CHMP7: variants seen among roughly 807,000 people sequenced by gnomAD.
CHMP7 encodes CHMP family, member 7.
In CHMP7, 15 loss-of-function variants were observed where a neutral mutation model predicts 53.7. That is an observed-to-expected ratio of 0.28 (90% confidence interval 0.19 to 0.43). The LOEUF (loss-of-function observed/expected upper bound fraction) is 0.43, where lower values mean the gene tolerates loss of function less well. CHMP7 is among the 20% of genes least tolerant of loss of function. The pLI, the probability that CHMP7 is intolerant of heterozygous loss-of-function variation, is 1.00. For missense variants in CHMP7, 527 were observed against 569.4 expected (o/e 0.93, Z 0.76); for synonymous variants, 261 against 228.0 (o/e 1.14, Z -1.30).
intron 3 of CHMP7, among the ~76,000 whole-genome samples, chr8:23,250,979 G>A (rs1024477002): frequency 1.3e-5 from 2 of 152,100 alleles, no homozygotes; most frequent in Non-Finnish European, 1.5e-5. Flanking sequence ...CCCCTTCCCC[G>A]CACCCATGCA....
At chr8:23,247,479 C>T (rs758866787) in intron 2 of CHMP7, among the ~76,000 whole-genome samples, 9 of 152,178 alleles carry the variant, frequency 5.9e-5, no homozygotes, top group Non-Finnish European at 1.2e-4. Flanking sequence ...GTCCTTGGCA[C>T]AGGCTTTTTG....
chr8:23,255,286 C>A lies in CHMP7; in HGVS notation c.511C>A (p.Pro171Thr), dbSNP rs779138390. ...EEVYRLYQNS[P>T]LSSHPVVALS... ...GGTGTATCGTCTGTATCAGAACTCGCCCCTCTCCTCCCACCCCGTGGTGGC... is the reference window on the plus strand; with the variant it reads ...GGTGTATCGTCTGTATCAGAACTCGACCCTCTCCTCCCACCCCGTGGTGGC... Residue 171 changes from proline to threonine, a missense_variant, in exon 4 of 11, where the codon CCC becomes ACC. Transcript: ENST00000397677. 6.2e-7 allele frequency: 1 copy of A among 1,614,202 alleles called. No homozygotes were observed. The highest frequency in any genetic ancestry group is 1.1e-5 in the South Asian group (1 of 91,084).
intron 5 of CHMP7, among the ~76,000 whole-genome samples, chr8:23,256,938 A>G (rs1380602115): frequency 6.6e-6 from 1 of 151,426 alleles, no homozygotes; most frequent in Non-Finnish European, 1.5e-5. Flanking sequence ...TACTACAGCC[A>G]CCCGCCACCA....
At chr8:23,259,777 G>T in intron 9 of CHMP7, 1 of 202,774 alleles carries the variant, frequency 4.9e-6, no homozygotes, top group Non-Finnish European at 1.0e-5. Flanking sequence ...CCCTCCCTGG[G>T]GCTCATCTGC....
At chr8:23,259,832 C>T (rs1802308920) in intron 9 of CHMP7, 1 of 294,612 alleles carries the variant, frequency 3.4e-6, no homozygotes, top group South Asian at 4.8e-5. Context: ...CAGCTGTGCT[C>T]ATGACCCATC....
chr8:23,247,954 T>G (rs13263101), intron 2 of CHMP7: 75,341 of 398,070 alleles, frequency 0.19, 8,768 homozygotes, highest in Non-Finnish European at 0.25. Context: ...TCTTTCTGAT[T>G]AAGAGATCTC....
At chr8:23,255,771 C>CTTTT (rs56174372) in intron 4 of CHMP7, among the ~76,000 whole-genome samples, 1 of 133,024 alleles carries the variant, frequency 7.5e-6, no homozygotes, top group Non-Finnish European at 1.6e-5. Flanking sequence ...CCTTATTGTA[C>CTTTT]TTTTTTTTTT....
chr8:23,254,557 G>A (rs566113968), intron 3 of CHMP7, among the ~76,000 whole-genome samples: 2 of 105,340 alleles, frequency 1.9e-5, no homozygotes, highest in South Asian at 3.7e-4. Context: ...ATCACATCCA[G>A]CTATTTTTTT....
intron 3 of CHMP7, chr8:23,252,267 G>T (rs1296810755): frequency 7.3e-6 from 1 of 137,056 alleles, no homozygotes; most frequent in African/African-American, 2.6e-5. Context: ...CTCACTGCAA[G>T]CTCCGCCTTT....
chr8:23,248,146 C>T (rs1361224997), intron 2 of CHMP7: 1 of 456,128 alleles, frequency 2.2e-6, no homozygotes, highest in East Asian at 7.0e-5. Flanking sequence ...ACAGTGGAAA[C>T]CGTTTTCGTT....
In CHMP7 at chr8:23,258,353, G is replaced by C. The variant is rs140050117; in HGVS notation, c.864G>C (p.Lys288Asn). 6.2e-7 allele frequency: 1 copy of C among 1,614,212 alleles called. No homozygotes were observed. Among genetic ancestry groups the C allele is most frequent in the South Asian group, 1.1e-5 (1 of 91,082 alleles). ...KQLALRSLKA[K>N]QRTEKRIEAL... ...AGGCACTGAGGTCTCTCAAGGCCAA[G>C]CAACGGACAGAGAAGCGCATCGAGG... Residue 288 changes from lysine to asparagine, a missense_variant, in exon 7 of 11, where the codon AAG becomes AAC. Transcript: ENST00000397677.
At chr8:23,248,797 T>G (rs141923582) in intron 2 of CHMP7, among the ~76,000 whole-genome samples, 176 of 152,364 alleles carry the variant, frequency 1.2e-3, no homozygotes, top group African/African-American at 4.1e-3. Flanking sequence ...TTCTTTCTTA[T>G]GTCTTGCACT....
chr8:23,256,076 G>T lies in CHMP7; in HGVS notation c.658-384G>T, dbSNP rs1051403444. Among the ~76,000 whole-genome samples, 11 of 152,194 alleles carry T rather than the reference G, an allele frequency of 7.2e-5. 1 individual carries two copies. Among genetic ancestry groups the T allele is most frequent in the African/African-American group, 2.6e-4 (11 of 41,526 alleles). ...TGCCTGGCCTATTATACTTAATAAT[G>T]GCCCCAAAGCACAAGAGCAGTGGTG... On this transcript the variant is annotated intron_variant, in intron 4 of 10. Transcript: ENST00000397677.
intron 2 of CHMP7, among the ~76,000 whole-genome samples, chr8:23,248,384 TC>T (rs1375024884): frequency 1.3e-5 from 2 of 152,268 alleles, no homozygotes; most frequent in Admixed American, 6.5e-5. Flanking sequence ...ATGATACTTC[TC>T]CACGGAGGCG....
chr8:23,257,108 T>C (rs1211803452), intron 5 of CHMP7, among the ~76,000 whole-genome samples: 2 of 147,852 alleles, frequency 1.4e-5, no homozygotes, highest in Non-Finnish European at 3.0e-5. Flanking sequence ...TTTTTTTTTT[T>C]CCTCAATTGA....
At chr8:23,250,128 C>T (rs1256144273) in intron 3 of CHMP7, among the ~76,000 whole-genome samples, 3 of 152,212 alleles carry the variant, frequency 2.0e-5, no homozygotes, top group African/African-American at 2.4e-5. Context: ...GGAGCCACAC[C>T]ACAGCCTTAT....
intron 9 of CHMP7, 73 bp downstream of exon 9, chr8:23,259,199 C>G (rs1238655724): frequency 6.9e-6 from 5 of 724,550 alleles, no homozygotes; most frequent in African/African-American, 4.3e-5. Flanking sequence ...GACGGAGTCT[C>G]GCTCTGTCGC....
intron 4 of CHMP7, 146 bp from the exon 5 acceptor site, chr8:23,256,314 C>T (rs1802121954): frequency 1.5e-6 from 1 of 663,350 alleles, no homozygotes; most frequent in Non-Finnish European, 2.7e-6. Context: ...AGGGTTCAGA[C>T]CTCCACAGGG....
chr8:23,251,992 C>G (rs1449961625), intron 3 of CHMP7, among the ~76,000 whole-genome samples: 2 of 151,966 alleles, frequency 1.3e-5, no homozygotes, highest in Admixed American at 6.6e-5. Flanking sequence ...TTCATCAAGA[C>G]TGTATTAGGG....
Sources: allele counts gnomAD v4.1 joint callset (sites outside exome capture counted in the v4.1 genomes callset), GRCh38; gene constraint gnomAD v4.1.1; transcripts MANE v1.5; gene names NCBI Gene and HGNC (gene_info 2026-07-23, HGNC 2026-07-21).